DSTYK: variants seen among roughly 807,000 people sequenced by gnomAD.
DSTYK encodes RIP-homologous kinase.
In DSTYK, 34 loss-of-function variants were observed where a neutral mutation model predicts 98.7. The ratio of observed to expected loss-of-function variants is 0.34; its 90% CI spans 0.26 to 0.46. The LOEUF (loss-of-function observed/expected upper bound fraction) is 0.46, where lower values mean the gene tolerates loss of function less well. Ranked by LOEUF, DSTYK falls within the 20% of genes least tolerant of loss-of-function variation. The probability of loss-of-function intolerance (pLI) is 1.00; values close to 1 mark genes in which losing one functional copy is unlikely to be tolerated. For missense variants in DSTYK, 962 were observed against 1,181.7 expected (o/e 0.81, Z 2.73); for synonymous variants, 462 against 457.3 (o/e 1.01, Z -0.13).
intron 2 of DSTYK, among the ~76,000 whole-genome samples, chr1:205,172,081 C>T (rs1404917142): frequency 2.0e-5 from 3 of 152,136 alleles, no homozygotes; most frequent in African/African-American, 4.8e-5. Context: ...CTCAGCCTCC[C>T]GAGTAGCTGG....
At position 205,211,150 on chromosome 1, in the gene DSTYK, C is replaced by T. The variant is rs1659360986; in HGVS notation, c.265+121G>A. ...GCCCATGCCCGGGGACCCGGCCACACGACACGACTGCCCCTTTCCGCCTGC... is the reference window on the plus strand; with the variant it reads ...GCCCATGCCCGGGGACCCGGCCACATGACACGACTGCCCCTTTCCGCCTGC... On this transcript the variant is annotated intron_variant, in intron 1 of 12. Transcript: ENST00000367162. 6 of 1,394,486 alleles carry T rather than the reference C, an allele frequency of 4.3e-6. No individual in the cohort carries two copies. In the South Asian group the frequency reaches 6.0e-5, roughly 14 times the overall value. 86.4% of individuals were successfully genotyped at this position (1,394,486 alleles called of 1,614,324 possible).
chr1:205,159,097 T>A (rs1450287249), intron 9 of DSTYK, among the ~76,000 whole-genome samples: 4 of 152,104 alleles, frequency 2.6e-5, no homozygotes, highest in Non-Finnish European at 5.9e-5. Context: ...ATTTTTTTTT[T>A]TTATTTTTAG....
intron 1 of DSTYK, chr1:205,202,662 T>A: frequency 8.3e-7 from 1 of 1,198,438 alleles, no homozygotes; most frequent in South Asian, 1.2e-5. Flanking sequence ...AGATTGTTCC[T>A]AAACCAGAAG....
intron 1 of DSTYK, among the ~76,000 whole-genome samples, chr1:205,199,226 C>A (rs1204181057): frequency 6.6e-6 from 1 of 152,080 alleles, no homozygotes; most frequent in African/African-American, 2.4e-5. Context: ...CCAAAGAAAG[C>A]GGTGGTCAAA....
chr1:205,166,021 C>CA (rs11458364), intron 3 of DSTYK, among the ~76,000 whole-genome samples: 29,881 of 148,556 alleles, frequency 0.2, 3,645 homozygotes, highest in East Asian at 0.53. Flanking sequence ...GATCCTGTCT[C>CA]AAAAAAAAAT....
Position 205,211,655 on chromosome 1 carries a change from C to T in DSTYK, c.-120G>A, listed in dbSNP as rs1386813873. 6.7e-6 allele frequency: 9 copies of T among 1,334,314 alleles called. No individual in the cohort carries two copies. Among genetic ancestry groups the T allele is most frequent in the African/African-American group, 1.6e-5 (1 of 64,366 alleles). The allele number at this position is 1,334,314 out of a possible 1,614,324, so 82.7% of individuals were successfully genotyped here. A position where few individuals can be genotyped will look rare whatever the true frequency, so the allele number is the denominator to read the frequency against. ...GCCTCCTGACGCCCCCGCCTGCAGT[C>T]AGCCTGGCTCCCAACCTCCGTCACT... On this transcript the variant is annotated 5_prime_UTR_variant, in exon 1 of 13. Coordinates refer to ENST00000367162, the MANE Select transcript of DSTYK (RefSeq NM_015375.3).
chr1:205,175,372 G>A (rs1048923258), intron 2 of DSTYK, among the ~76,000 whole-genome samples: 2 of 151,842 alleles, frequency 1.3e-5, no homozygotes, highest in Admixed American at 1.3e-4. Flanking sequence ...GATTACAGGC[G>A]TGAGCCACCG....
chr1:205,159,962 A>G, intron 8 of DSTYK, 152 bp downstream of exon 8: 1 of 939,608 alleles, frequency 1.1e-6, no homozygotes, highest in South Asian at 1.5e-5. Flanking sequence ...GCAAGCAAAG[A>G]CAGTAAAGGC....
intron 1 of DSTYK, among the ~76,000 whole-genome samples, chr1:205,197,415 T>C (rs1332470414): frequency 6.6e-6 from 1 of 152,142 alleles, no homozygotes; most frequent in Admixed American, 6.6e-5. Context: ...TCCATGAAAA[T>C]GTTAACAACT....
At chr1:205,168,877 GA>G (rs1657967251) in intron 3 of DSTYK, among the ~76,000 whole-genome samples, 1 of 152,178 alleles carries the variant, frequency 6.6e-6, no homozygotes, top group Non-Finnish European at 1.5e-5. Context: ...ATTAGGGGTT[GA>G]GGGGGTACAG....
In DSTYK at chr1:205,211,353, G is replaced by A. The variant is rs1215466837; in HGVS notation, c.183C>T (p.His61=). The A allele has an allele frequency of 6.2e-7, 1 of 1,612,424 alleles. No homozygotes were observed. The highest frequency in any genetic ancestry group is 1.7e-5 in the Admixed American group (1 of 59,910). Residue 61 remains histidine (H), a synonymous_variant, in exon 1 of 13, where the codon CAC becomes CAT. Transcript: ENST00000367162. ...CGCCCGTGAGGGAGGAGAGACAAGTGTGGTTGTGGGAGCACTTGATGTCGC... is the reference window on the plus strand; with the variant it reads ...CGCCCGTGAGGGAGGAGAGACAAGTATGGTTGTGGGAGCACTTGATGTCGC... ...FFRDIKCSHN[H]TCLSSLTGGG... is the part of the protein sequence containing the mutation.
Position 205,169,883 on chromosome 1 carries a change from C to T in DSTYK, c.655-51G>A, listed in dbSNP as rs765711516. 1.3e-6 allele frequency: 2 copies of T among 1,522,172 alleles called. No homozygotes were observed. Among genetic ancestry groups the T allele is most frequent in the African/African-American group, 1.4e-5 (1 of 72,344 alleles). 94.3% of individuals were successfully genotyped at this position (1,522,172 alleles called of 1,614,324 possible). A position where few individuals can be genotyped will look rare whatever the true frequency, so the allele number is the denominator to read the frequency against. ...CAGCGCCTCAGGGTCAGAACCAATC[C>T]CTGTCTCCCCAAAGTCCCACACTGA... On this transcript the variant is annotated intron_variant, in intron 2 of 12. Coordinates refer to ENST00000367162, the MANE Select transcript of DSTYK (RefSeq NM_015375.3). This position sits in a 1 kb window ranked among gnomAD's most constrained non-coding sequence, Gnocchi z 4.0.
chr1:205,152,571 C>T (rs1380495339), intron 10 of DSTYK, among the ~76,000 whole-genome samples: 2 of 152,194 alleles, frequency 1.3e-5, no homozygotes, highest in East Asian at 1.9e-4. Flanking sequence ...TAAATCCTGC[C>T]GCCAACCTTC....
At position 205,157,375 on chromosome 1, in the gene DSTYK, G is replaced by A; in HGVS notation, c.2250C>T (p.Thr750=). The A allele has an allele frequency of 1.2e-6, 2 of 1,614,034 alleles. No homozygotes were observed. Among genetic ancestry groups the A allele is most frequent in the Non-Finnish European group, 1.7e-6 (2 of 1,179,956 alleles). ...GTGCTATCTGCAAACGTGTCTCCAG[G>A]GTCAGCCCAGCCTTGGGGAGACAAA... is the stretch of plus-strand genomic sequence containing the variant. ...DLYTGLKAGL[T]LETRLQIALD... The change falls in exon 10 of 13, where the codon ACC becomes ACT. Residue 750 remains threonine, a synonymous_variant. Coordinates refer to ENST00000367162, the MANE Select transcript of DSTYK (RefSeq NM_015375.3).
chr1:205,187,617 C>A lies in DSTYK; in HGVS notation c.455G>T (p.Arg152Leu). Residue 152 changes from arginine to leucine, a missense_variant, in exon 2 of 13, where the codon CGC becomes CTC. Arg to Leu is a moderately radical substitution (Grantham distance 102). Coordinates refer to ENST00000367162, the MANE Select transcript of DSTYK (RefSeq NM_015375.3). Reference sequence around the variant, plus strand: ...CTGAGTCCCATAGGTGAAGCGGAGGCGCCGAAGCTTACAGCTCTCCTCACT... The same window carrying A: ...CTGAGTCCCATAGGTGAAGCGGAGGAGCCGAAGCTTACAGCTCTCCTCACT... ...LGSEESCKLRRLRFTYGTQTR... is the reference protein window; with the variant it reads ...LGSEESCKLRLLRFTYGTQTR... 1 of 1,614,108 alleles carries A rather than the reference C, an allele frequency of 6.2e-7. No individual in the cohort carries two copies.
intron 1 of DSTYK, among the ~76,000 whole-genome samples, chr1:205,193,798 G>C (rs998275528): frequency 2.6e-5 from 4 of 151,700 alleles, no homozygotes; most frequent in Non-Finnish European, 5.9e-5. Context: ...TTGAACCTGG[G>C]AGGTAGGGGC....
intron 2 of DSTYK, among the ~76,000 whole-genome samples, chr1:205,178,110 A>G (rs931173564): frequency 6.6e-6 from 1 of 152,176 alleles, no homozygotes; most frequent in Non-Finnish European, 1.5e-5. Context: ...AGACTTAGAA[A>G]AAACAGAATC....
Position 205,163,664 on chromosome 1 carries a change from G to T in DSTYK, c.1557+59C>A, listed in dbSNP as rs1657801754. On this transcript the variant is annotated intron_variant, in intron 4 of 12. Coordinates refer to ENST00000367162, the MANE Select transcript of DSTYK (RefSeq NM_015375.3). The stretch of plus-strand genomic sequence containing the variant: ...CTTGCCTAATTTGAAGTGTGGACTT[G>T]TGCAGATTTTTCATGTGCTATCTAT... 8 of 1,358,712 alleles carry T rather than the reference G, an allele frequency of 5.9e-6. No homozygotes were observed. In the South Asian group the frequency reaches 9.9e-5, roughly 17 times the overall value. 84.2% of individuals were successfully genotyped at this position (1,358,712 alleles called of 1,614,324 possible). A position where few individuals can be genotyped will look rare whatever the true frequency, so the allele number is the denominator to read the frequency against.
At chr1:205,210,306 C>T (rs993892164) in intron 1 of DSTYK, among the ~76,000 whole-genome samples, 4 of 152,080 alleles carry the variant, frequency 2.6e-5, no homozygotes, top group Non-Finnish European at 4.4e-5. Context: ...ATTTTTAATA[C>T]GCCCCTGGGG....
Sources: gnomAD v4.1 joint callset for allele counts (sites outside exome capture counted in the v4.1 genomes callset) on GRCh38, gnomAD v4.1.1 for gene constraint, Gnocchi (gnomAD v3.1) non-coding constraint, MANE v1.5 for transcripts, NCBI Gene and HGNC (gene_info 2026-07-23, HGNC 2026-07-21) for gene names.